Variants in INTS2 observed in about 807,000 individuals in gnomAD.
The protein encoded by INTS2 is integrator complex subunit 2.
A neutral mutation model predicts 139.6 loss-of-function variants in INTS2; 57 were observed. The ratio of observed to expected loss-of-function variants is 0.41; its 90% CI spans 0.33 to 0.51. The LOEUF is 0.51. INTS2 is among the 20% of genes least tolerant of loss of function. The pLI is 0.28. For synonymous variants in INTS2, 473 were observed against 493.4 expected (o/e 0.96, Z 0.55); for missense variants, 1,196 against 1,436.7 (o/e 0.83, Z 2.71).
intron 13 of INTS2, among the ~76,000 whole-genome samples, chr17:61,892,633 C>A (rs1303805992): frequency 6.6e-6 from 1 of 151,234 alleles, no homozygotes; most frequent in Non-Finnish European, 1.5e-5. Context: ...CCTGTCTCTA[C>A]AAAAAAACAC....
chr17:61,873,045 G>A lies in INTS2; in HGVS notation c.2583-585C>T, dbSNP rs1323421964. ...AATGAAAATCTGAATTAAAAGTCTT[G>A]AAAATGAGCACGACACTTTTGCCCC... On this transcript the variant is annotated intron_variant, in intron 19 of 24. Coordinates refer to ENST00000251334, the MANE Select transcript of INTS2 (RefSeq NM_001351695.2). The surrounding 1 kb of genome is among the most constrained non-coding windows in gnomAD (Gnocchi z 4.0). 2.0e-5 allele frequency among the ~76,000 whole-genome samples: 3 copies of A among 152,146 alleles called. No individual in the cohort carries two copies. Among genetic ancestry groups the A allele is most frequent in the African/African-American group, 4.8e-5 (2 of 41,436 alleles).
At position 61,875,109 on chromosome 17, in the gene INTS2, C is replaced by T; in HGVS notation, c.2457-71G>A. On this transcript the variant is annotated intron_variant, in intron 18 of 24. Coordinates refer to ENST00000251334, the MANE Select transcript of INTS2 (RefSeq NM_001351695.2). The surrounding 1 kb of genome is among the most constrained non-coding windows in gnomAD (Gnocchi z 4.6). ...AAAATCTGTAGCCATCCAGTCCTTT[C>T]TATCTTAGAAAGTTATATTCAGTAA... The T allele has an allele frequency of 1.7e-6, 2 of 1,145,250 alleles. No homozygotes were observed. The highest frequency in any genetic ancestry group is 2.3e-6 in the Non-Finnish European group (2 of 851,424). The allele number at this position is 1,145,250 out of a possible 1,614,324, so 70.9% of individuals were successfully genotyped here.
In INTS2 at chr17:61,884,717, G is replaced by A. The variant is rs139016565; in HGVS notation, c.2089+184C>T. Among the ~76,000 whole-genome samples, 779 of 152,250 alleles carry A rather than the reference G, an allele frequency of 5.1e-3. 7 individuals are homozygous for A. The highest frequency in any genetic ancestry group is 0.017 in the African/African-American group (704 of 41,560). On this transcript the variant is annotated intron_variant, in intron 16 of 24. Coordinates refer to ENST00000251334, the MANE Select transcript of INTS2 (RefSeq NM_001351695.2). ...ATCAACTGAAAATAGCTAGGGTTGC[G>A]TTTTAGGGGGCAGGCTGGTTTGCAA...
rs545215706 is a variant in INTS2, at chr17:61,911,325, T to C, written c.954+195A>G. On this transcript the variant is annotated intron_variant, in intron 7 of 24. Coordinates refer to ENST00000251334, the MANE Select transcript of INTS2 (RefSeq NM_001351695.2). ...AAGTGTTAATTTCTAATATGGTAAA[T>C]ATCAACAGAAAAAAAGCCACATAAA... is the stretch of plus-strand genomic sequence containing the variant. 8.8e-6 allele frequency: 4 copies of C among 453,346 alleles called. No individual in the cohort carries two copies. In the South Asian group the frequency reaches 2.7e-4, roughly 30 times the overall value. The allele number at this position is 453,346 out of a possible 1,614,324, so 28.1% of individuals were successfully genotyped here. A position where few individuals can be genotyped will look rare whatever the true frequency, so the allele number is the denominator to read the frequency against.
rs1007973192 is a variant in INTS2 at position 61,925,170 on chromosome 17, T to C, written c.294-71A>G. 7 of 1,367,868 alleles carry C rather than the reference T, an allele frequency of 5.1e-6. No homozygotes were observed. The African/African-American group carries it at 7.2e-5, about 14-fold the overall frequency. 84.7% of individuals were successfully genotyped at this position (1,367,868 alleles called of 1,614,324 possible). A position where few individuals can be genotyped will look rare whatever the true frequency, so the allele number is the denominator to read the frequency against. ...GAAATAATTGCATAAAAATTATCTT[T>C]TATTGAAATAAGCTATAAAAGGATG... is the stretch of plus-strand genomic sequence containing the variant. On this transcript the variant is annotated intron_variant, in intron 2 of 24. Transcript: ENST00000251334.
Position 61,907,558 on chromosome 17 carries a change from G to C in INTS2, c.1031C>G (p.Pro344Arg). Residue 344 changes from proline to arginine, a missense_variant, in exon 8 of 25, where the codon CCC (proline) becomes CGC (arginine). Physicochemically the swap from Pro to Arg is moderately radical, Grantham distance 103. Coordinates refer to ENST00000251334, the MANE Select transcript of INTS2 (RefSeq NM_001351695.2). ...CACAATTCGGGTGCTTCTTACTGTG[G>C]GAAGAATGCCCATCAACTCCAGAAG... ...QLLLELMGIL[P>R]TVRSTRIVEE... 1 of 1,593,838 alleles carries C rather than the reference G, an allele frequency of 6.3e-7. No homozygotes were observed. Among genetic ancestry groups the C allele is most frequent in the Non-Finnish European group, 8.5e-7 (1 of 1,169,782 alleles).
In INTS2 at chr17:61,871,183, C is replaced by T. The variant is rs2079085637; in HGVS notation, c.2778+1082G>A. 6.6e-6 allele frequency among the ~76,000 whole-genome samples: 1 copy of T among 152,132 alleles called. No homozygotes were observed. The highest frequency in any genetic ancestry group is 1.5e-5 in the Non-Finnish European group (1 of 68,020). ...TCGCCCAGGCTGTAGTGCAGAGGCA[C>T]GATCTCAGCTCACTGCAACCTCCGC... On this transcript the variant is annotated intron_variant, in intron 20 of 24. Coordinates refer to ENST00000251334, the MANE Select transcript of INTS2 (RefSeq NM_001351695.2). The surrounding 1 kb of genome is among the most constrained non-coding windows in gnomAD (Gnocchi z 4.9).
intron 16 of INTS2, among the ~76,000 whole-genome samples, chr17:61,883,240 C>T (rs895035093): frequency 6.6e-6 from 1 of 151,838 alleles, no homozygotes; most frequent in Non-Finnish European, 1.5e-5. Flanking sequence ...AAGCCAGGCA[C>T]GGTGGCTCAC....
At chr17:61,924,589 C>CG (rs932781057) in intron 3 of INTS2, among the ~76,000 whole-genome samples, 3 of 152,116 alleles carry the variant, frequency 2.0e-5, no homozygotes, top group Non-Finnish European at 4.4e-5. Context: ...GAGGCTGAGG[C>CG]GGGTGGATCA....
At chr17:61,921,575 G>A (rs1298394865) in intron 4 of INTS2, 150 bp downstream of exon 4, 1 of 421,282 alleles carries the variant, frequency 2.4e-6, no homozygotes. Flanking sequence ...CTTAATCATT[G>A]TCCAACTATT....
In INTS2 at chr17:61,872,280, T is replaced by C. The variant is rs758601669; in HGVS notation, c.2763A>G (p.Ala921=). ...CAAAATTTACCTGAGCGGCCAGTAA[T>C]GCATTTTTCAATTCTTCCCTGGTAA... ...PEVTREELKN[A]LLAAQDSAAV... Residue 921 remains alanine, a synonymous_variant, in exon 20 of 25, where the codon GCA becomes GCG. Coordinates refer to ENST00000251334, the MANE Select transcript of INTS2 (RefSeq NM_001351695.2). The surrounding 1 kb of genome is among the most constrained non-coding windows in gnomAD (Gnocchi z 4.8). 1.2e-6 allele frequency: 2 copies of C among 1,610,052 alleles called. No individual in the cohort carries two copies. The highest frequency in any genetic ancestry group is 1.1e-5 in the South Asian group (1 of 90,538).
rs994466317 is a variant in INTS2, at chr17:61,871,340, CA to C, written c.2778+924del. On this transcript the variant is annotated intron_variant, in intron 20 of 24. Transcript: ENST00000251334. This position sits in a 1 kb window ranked among gnomAD's most constrained non-coding sequence, Gnocchi z 4.9. ...TTCACCATGTTGGCCAGGCTGGTCT[CA>C]AAACTCCTGAACTCAGGTGATCCAC... Among the ~76,000 whole-genome samples, 85 of 152,028 alleles carry C rather than the reference CA, an allele frequency of 5.6e-4. No homozygotes were observed. Among genetic ancestry groups the C allele is most frequent in the African/African-American group, 2.0e-3 (82 of 41,484 alleles).
intron 9 of INTS2, among the ~76,000 whole-genome samples, chr17:61,903,060 G>A (rs1296624096): frequency 1.3e-5 from 2 of 150,226 alleles, no homozygotes; most frequent in Admixed American, 1.3e-4. Flanking sequence ...AGCTACTCGG[G>A]AGGCTGAGGC....
intron 2 of INTS2, 122 bp from the exon 3 acceptor site, chr17:61,925,221 T>TA: frequency 1.1e-6 from 1 of 936,656 alleles, no homozygotes; most frequent in South Asian, 1.6e-5. Flanking sequence ...AATGTTCTGT[T>TA]ACTTCTGAAA....
Position 61,889,838 on chromosome 17 carries a change from G to A in INTS2, c.1932C>T (p.Leu644=). The change falls in exon 15 of 25, where the codon CTC becomes CTT. Residue 644 remains leucine, a synonymous_variant. Transcript: ENST00000251334. ...CCTCTTCATAAGACAGTATATAGTA[G>A]AGCACCAAAAGCTGTGCTGTGATAC... ...RFSITAQLLV[L]YYILSYEEAL... 6.2e-7 allele frequency: 1 copy of A among 1,612,300 alleles called. No homozygotes were observed.
At chr17:61,879,021 A>AC (rs1555621279) in intron 17 of INTS2, among the ~76,000 whole-genome samples, 1 of 66,380 alleles carries the variant, frequency 1.5e-5, no homozygotes, top group Non-Finnish European at 3.1e-5. Flanking sequence ...TTTTTAATTT[A>AC]TTTTTTTTCA....
chr17:61,925,234 C>T (rs546900006), intron 2 of INTS2, 135 bp from the exon 3 acceptor site: 341 of 852,478 alleles, frequency 4.0e-4, no homozygotes, highest in Middle Eastern at 5.0e-4. Context: ...TTCTGAAATG[C>T]TATTTAGTTT....
At chr17:61,886,054 A>G (rs1007356168) in intron 15 of INTS2, among the ~76,000 whole-genome samples, 3 of 150,276 alleles carry the variant, frequency 2.0e-5, no homozygotes, top group Non-Finnish European at 4.4e-5. Flanking sequence ...AGTGGTGACT[A>G]AATCTTTTTT....
intron 9 of INTS2, among the ~76,000 whole-genome samples, chr17:61,901,305 A>C (rs1033436910): frequency 6.6e-6 from 1 of 151,276 alleles, no homozygotes; most frequent in African/African-American, 2.4e-5. Context: ...AAATAATAAT[A>C]AATATTAAGT....
Sources: gnomAD v4.1 joint callset for allele counts (sites outside exome capture counted in the v4.1 genomes callset) on GRCh38, gnomAD v4.1.1 for gene constraint, Gnocchi (gnomAD v3.1) non-coding constraint, MANE v1.5 for transcripts, NCBI Gene and HGNC (gene_info 2026-07-23, HGNC 2026-07-21) for gene names.